LTB: variants seen among roughly 807,000 people sequenced by gnomAD.
LTB encodes lymphotoxin-beta.
In LTB, 17 loss-of-function variants were observed where a neutral mutation model predicts 14.7. The ratio of observed to expected loss-of-function variants is 1.16; its 90% CI spans 0.79 to 1.73. The LOEUF (loss-of-function observed/expected upper bound fraction) is 1.73. Among genes scored for constraint, LTB ranks in the 40% most tolerant of loss-of-function variants. The pLI, the probability that LTB is intolerant of heterozygous loss-of-function variation, is 0.00. For synonymous variants in LTB, 163 were observed against 157.3 expected (o/e 1.04, Z -0.27); for missense variants, 288 against 324.3 (o/e 0.89, Z 0.86).
At chr6:31,581,266 C>T (rs1771490656) in intron 3 of LTB, 103 bp from the exon 4 acceptor site, 1 of 1,110,300 alleles carries the variant, frequency 9.0e-7, no homozygotes. Flanking sequence ...CGAGCCGGGC[C>T]GGGGGAGGAG....
chr6:31,582,230 C>T, intron 1 of LTB, 26 bp downstream of exon 1: 1 of 1,611,116 alleles, frequency 6.2e-7, no homozygotes, highest in Non-Finnish European at 8.5e-7. Context: ...TACAACTCTC[C>T]ACCAGGGCCT....
intron 1 of LTB, 156 bp downstream of exon 1, chr6:31,582,100 G>T: frequency 1.1e-6 from 1 of 914,992 alleles, no homozygotes; most frequent in Non-Finnish European, 1.7e-6. Context: ...AACATCACAG[G>T]AACATGGAAA....
chr6:31,581,996 AG>A (rs1202244432), intron 1 of LTB, 137 bp from the exon 2 acceptor site: 4 of 909,632 alleles, frequency 4.4e-6, no homozygotes, highest in Non-Finnish European at 5.1e-6. Context: ...CTTAGAAGGG[AG>A]AACAAGCAAG....
Position 31,581,148 on chromosome 6 carries a change from C to G in LTB, c.296G>C (p.Gly99Ala). ...AAHLIGAPLK[G>A]QGLGWETTKE... ...CGTCGTCTCCCAGCCTAGCCCCTGCCCCTTCAGCGGAGCGCCTGCGGAGAC... is the reference window on the plus strand; with the variant it reads ...CGTCGTCTCCCAGCCTAGCCCCTGCGCCTTCAGCGGAGCGCCTGCGGAGAC... The change falls in exon 4 of 4, where the codon GGG becomes GCG. Residue 99 changes from glycine to alanine, a missense_variant. Coordinates refer to ENST00000429299, the MANE Select transcript of LTB (RefSeq NM_002341.2). 6.5e-7 allele frequency: 1 copy of G among 1,541,964 alleles called. No individual in the cohort carries two copies. Among genetic ancestry groups the G allele is most frequent in the Non-Finnish European group, 8.7e-7 (1 of 1,147,392 alleles).
rs1396063618 is a variant in LTB at position 31,580,964 on chromosome 6, G to A, written c.480C>T (p.Arg160=). 5 of 1,567,606 alleles carry A rather than the reference G, an allele frequency of 3.2e-6. No homozygotes were observed. The highest frequency in any genetic ancestry group is 1.9e-5 in the Admixed American group (1 of 52,992). Residue 160 remains arginine, a synonymous_variant, in exon 4 of 4, where the codon CGC becomes CGT. Coordinates refer to ENST00000429299, the MANE Select transcript of LTB (RefSeq NM_002341.2). This position sits in a 1 kb window ranked among gnomAD's most constrained non-coding sequence, Gnocchi z 6.6. Reference sequence around the variant, plus strand: ...CGCCCCCCGCCCGGTACAGAGAGCTGCGCAGCGTGACCGAGCGGCCCTGGG... The same window carrying A: ...CGCCCCCCGCCCGGTACAGAGAGCTACGCAGCGTGACCGAGCGGCCCTGGG... The part of the protein sequence containing the change: ...GDPQGRSVTL[R]SSLYRAGGAY...
At chr6:31,581,270 G>T (rs1225653078) in intron 3 of LTB, 107 bp from the exon 4 acceptor site, 9 of 1,054,402 alleles carry the variant, frequency 8.5e-6, no homozygotes, top group Non-Finnish European at 1.2e-5. Context: ...CCGGGCCGGG[G>T]GAGGAGGGAT....
At position 31,580,711 on chromosome 6, in the gene LTB, A is replaced by G; in HGVS notation, c.733T>C (p.Ter245ArgextTer27). ...TCGCACCACGCACTCATATTCCCTC[A>G]CCCCACCATCACGGCCCCAAAGAAG... ...KTFFGAVMVG[*>R] Residue 245 changes from the stop codon to arginine (R), a stop_lost, in exon 4 of 4, where the codon TGA becomes CGA. Coordinates refer to ENST00000429299, the MANE Select transcript of LTB (RefSeq NM_002341.2). The surrounding 1 kb of genome is among the most constrained non-coding windows in gnomAD (Gnocchi z 6.6). 6.2e-7 allele frequency: 1 copy of G among 1,607,400 alleles called. No homozygotes were observed. Among genetic ancestry groups the G allele is most frequent in the Non-Finnish European group, 8.5e-7 (1 of 1,176,444 alleles).
At position 31,580,916 on chromosome 6, in the gene LTB, C is replaced by T; in HGVS notation, c.528G>A (p.Glu176=). The T allele has an allele frequency of 1.0e-5, 16 of 1,589,130 alleles. No homozygotes were observed. Among genetic ancestry groups the T allele is most frequent in the African/African-American group, 1.3e-5 (1 of 74,334 alleles). The change falls in exon 4 of 4, where the codon GAG becomes GAA. Residue 176 remains glutamate, a synonymous_variant. Coordinates refer to ENST00000429299, the MANE Select transcript of LTB (RefSeq NM_002341.2). The surrounding 1 kb of genome is among the most constrained non-coding windows in gnomAD (Gnocchi z 6.6). ...AGGAYGPGTP[E]LLLEGAETVT... ...CCGTCTCGGCGCCCTCGAGCAGCAG[C>T]TCGGGAGTGCCCGGCCCGTAGGCGC...
chr6:31,582,148 C>T, intron 1 of LTB, 108 bp downstream of exon 1: 1 of 1,323,344 alleles, frequency 7.6e-7, no homozygotes, highest in Non-Finnish European at 1.1e-6. Context: ...CCACCAGGGA[C>T]AGCCGAGCCA....
In LTB at chr6:31,580,966, G is replaced by T; in HGVS notation, c.478C>A (p.Arg160Ser). ...GDPQGRSVTL[R>S]SSLYRAGGAY... The stretch of plus-strand genomic sequence containing the variant: ...CCCCCCGCCCGGTACAGAGAGCTGC[G>T]CAGCGTGACCGAGCGGCCCTGGGGG... The change falls in exon 4 of 4, where the codon CGC becomes AGC. Residue 160 changes from arginine to serine, a missense_variant. By Grantham distance (110) the Arg-to-Ser change is moderately radical. Transcript: ENST00000429299. This position sits in a 1 kb window ranked among gnomAD's most constrained non-coding sequence, Gnocchi z 6.6. 1 of 1,567,212 alleles carries T rather than the reference G, an allele frequency of 6.4e-7. No homozygotes were observed. The highest frequency in any genetic ancestry group is 1.9e-5 in the Admixed American group (1 of 52,930).
chr6:31,581,988 T>TAGAAGAAGGA, intron 1 of LTB, 129 bp from the exon 2 acceptor site: 1 of 959,342 alleles, frequency 1.0e-6, no homozygotes, highest in Admixed American at 2.5e-5. Flanking sequence ...CACACCTCCT[T>TAGAAGAAGGA]AGAAGGGAGA....
chr6:31,581,232 G>A, intron 3 of LTB, 69 bp from the exon 4 acceptor site: 1 of 1,417,324 alleles, frequency 7.1e-7, no homozygotes, highest in South Asian at 1.4e-5. Flanking sequence ...TGGGGAAGTG[G>A]CGGCTTTTAG....
rs1205066588 is a variant in LTB, at chr6:31,581,097, C to T, written c.347G>A (p.Gly116Glu). 1 of 1,607,658 alleles carries T rather than the reference C, an allele frequency of 6.2e-7. No homozygotes were observed. The highest frequency in any genetic ancestry group is 8.5e-7 in the Non-Finnish European group (1 of 1,177,584). ...CCCCTCGGCGTCCGAGAACTGCGTC[C>T]CGCTCGTCAGAAACGCCTGTTCCTT... ...TTKEQAFLTS[G>E]TQFSDAEGLA... Residue 116 changes from glycine (G) to glutamate (E), a missense_variant, in exon 4 of 4, where the codon GGG becomes GAG. By Grantham distance (98) the Gly-to-Glu change is moderately conservative. This residue lies in a region of LTB where 284 missense variants were observed against 299.2 expected (regional missense o/e 0.95). Transcript: ENST00000429299.
At chr6:31,581,714 G>A (rs1771532000) in intron 2 of LTB, 84 bp from the exon 3 acceptor site, 2 of 1,598,542 alleles carry the variant, frequency 1.3e-6, no homozygotes, top group East Asian at 2.2e-5. Flanking sequence ...GCAGGGATGG[G>A]GAGCCTGGAT....
In LTB at chr6:31,581,180, C is replaced by T; in HGVS notation, c.281-17G>A. On this transcript the variant is annotated splice_polypyrimidine_tract_variant and intron_variant, in intron 3 of 3. Coordinates refer to ENST00000429299, the MANE Select transcript of LTB (RefSeq NM_002341.2). ...GCGGAGCGCCTGCGGAGACACGGGC[C>T]GACGCGCTCTTGGGAATGCGATCCT... is the stretch of plus-strand genomic sequence containing the variant. 6.6e-7 allele frequency: 1 copy of T among 1,516,446 alleles called. No individual in the cohort carries two copies. The highest frequency in any genetic ancestry group is 8.8e-7 in the Non-Finnish European group (1 of 1,134,670). The allele number at this position is 1,516,446 out of a possible 1,614,324, so 93.9% of individuals were successfully genotyped here.
rs1401792659 is a variant in LTB, at chr6:31,582,273, G to A, written c.145C>T (p.Gln49Ter). ...TVLAVLALVP[Q>*]DQGGLVTETA... is the part of the protein sequence containing the mutation. ...CCACTCACCAGTCCTCCCTGATCCT[G>A]GGGCACTAAGGCCAGCACAGCCAGG... The change falls in exon 1 of 4, where the codon CAG (glutamine) becomes TAG (stop). Residue 49 changes from glutamine (Q) to a stop codon, truncating the protein, a stop_gained. Transcript: ENST00000429299. LOFTEE classifies it high-confidence loss of function. 1 of 1,612,984 alleles carries A rather than the reference G, an allele frequency of 6.2e-7. No homozygotes were observed. The highest frequency in any genetic ancestry group is 8.5e-7 in the Non-Finnish European group (1 of 1,179,992).
chr6:31,580,698 C>T lies in LTB; in HGVS notation c.*11G>A, dbSNP rs1162275134. ...AATATTCACGCACTCGCACCACGCA[C>T]TCATATTCCCTCACCCCACCATCAC... On this transcript the variant is annotated 3_prime_UTR_variant, in exon 4 of 4. Transcript: ENST00000429299. This position sits in a 1 kb window ranked among gnomAD's most constrained non-coding sequence, Gnocchi z 6.6. 1 of 1,599,186 alleles carries T rather than the reference C, an allele frequency of 6.3e-7. No individual in the cohort carries two copies. Among genetic ancestry groups the T allele is most frequent in the East Asian group, 2.2e-5 (1 of 44,654 alleles).
chr6:31,581,749 A>C, intron 2 of LTB, 65 bp downstream of exon 2: 1 of 1,605,902 alleles, frequency 6.2e-7, no homozygotes, highest in Non-Finnish European at 8.5e-7. Context: ...GTATCTGGGG[A>C]CGCAGCAGGG....
chr6:31,581,655 T>C (rs371392111), intron 2 of LTB, 25 bp from the exon 3 acceptor site: 24 of 1,611,542 alleles, frequency 1.5e-5, no homozygotes, highest in Middle Eastern at 1.7e-4. Flanking sequence ...GAGTCCACGA[T>C]TGGGGGCAGG....
Sources: gnomAD v4.1 joint callset for allele counts on GRCh38, gnomAD v4.1.1 for gene constraint, gnomAD v4.1.1 regional missense constraint, Gnocchi (gnomAD v3.1) non-coding constraint, MANE v1.5 for transcripts, NCBI Gene and HGNC (gene_info 2026-07-23, HGNC 2026-07-21) for gene names.